TXNDC16: variants seen among roughly 807,000 people sequenced by gnomAD.
TXNDC16 encodes thioredoxin domain containing 16.
A neutral mutation model predicts 85.6 loss-of-function variants in TXNDC16; 74 were observed. The observed-to-expected ratio is 0.86, with a 90% confidence interval of 0.72 to 1.05. TXNDC16 has a LOEUF of 1.05. TXNDC16 is among the 50% of genes least tolerant of loss of function. The pLI, the probability that TXNDC16 is intolerant of heterozygous loss-of-function variation, is 0.00. For synonymous variants in TXNDC16, 335 were observed against 326.5 expected, an observed-to-expected ratio of 1.03 and a Z score of -0.28; for missense variants, 959 against 947.0, an observed-to-expected ratio of 1.01 and a Z score of -0.17.
rs547871433 is a variant in TXNDC16 at position 52,458,826 on chromosome 14, AAGACTCTCTACTT to A, written c.1619-1665_1619-1653del. Among the ~76,000 whole-genome samples the A allele has an allele frequency of 6.8e-4, 103 of 152,276 alleles. No individual in the cohort carries two copies. The Middle Eastern group carries it at 0.017, about 25-fold the overall frequency. ...ATTTCCATATAATTTCCTCATACAA[AAGACTCTCTACTT>A]ATGAATATGTCTCTTAAAAAGTCTC... On this transcript the variant is annotated intron_variant, in intron 16 of 20. Transcript: ENST00000281741.
chr14:52,525,288 C>A lies in TXNDC16; in HGVS notation c.393-5995G>T, dbSNP rs180791935. Among the ~76,000 whole-genome samples, 10 of 152,086 alleles carry A rather than the reference C, an allele frequency of 6.6e-5. No individual in the cohort carries two copies. The East Asian group carries it at 1.7e-3, about 26-fold the overall frequency. ...TTAGAGCACTGGGCAAAATCCGTAA[C>A]ACATTATTTTCACGTGTTATTTTGA... On this transcript the variant is annotated intron_variant, in intron 6 of 20. Transcript: ENST00000281741.
intron 1 of TXNDC16, among the ~76,000 whole-genome samples, chr14:52,546,121 A>C (rs1024697144): frequency 6.6e-6 from 1 of 151,980 alleles, no homozygotes; most frequent in Non-Finnish European, 1.5e-5. Context: ...CTGTCTCTAT[A>C]AAAAGTAAGA....
At chr14:52,503,445 T>C (rs1274528544) in intron 9 of TXNDC16, among the ~76,000 whole-genome samples, 1 of 152,220 alleles carries the variant, frequency 6.6e-6, no homozygotes, top group African/African-American at 2.4e-5. Flanking sequence ...CCTCTGCTGC[T>C]GATACCCAGG....
chr14:52,436,482 T>C (rs2035029827), intron 20 of TXNDC16, among the ~76,000 whole-genome samples: 1 of 152,172 alleles, frequency 6.6e-6, no homozygotes, highest in African/African-American at 2.4e-5. Flanking sequence ...GAAAATGTTC[T>C]GGAATTCAAC....
intron 1 of TXNDC16, among the ~76,000 whole-genome samples, chr14:52,550,160 A>G (rs1378993732): frequency 2.6e-5 from 4 of 152,216 alleles, no homozygotes; most frequent in African/African-American, 7.2e-5. Context: ...AAAAGAAGGA[A>G]ATTAACAACT....
intron 9 of TXNDC16, among the ~76,000 whole-genome samples, chr14:52,503,620 G>A (rs1380940747): frequency 2.6e-5 from 4 of 152,110 alleles, no homozygotes; most frequent in Non-Finnish European, 4.4e-5. Context: ...CCACAAAGAT[G>A]GGGAAAAAAC....
chr14:52,473,779 C>T (rs572375630), intron 14 of TXNDC16, among the ~76,000 whole-genome samples: 2 of 152,264 alleles, frequency 1.3e-5, no homozygotes, highest in South Asian at 4.1e-4. Flanking sequence ...TTTGCTGCCA[C>T]CTTGTGACAG....
intron 15 of TXNDC16, 102 bp from the exon 16 acceptor site, chr14:52,470,275 T>C: frequency 1.0e-6 from 1 of 956,130 alleles, no homozygotes; most frequent in Non-Finnish European, 1.5e-6. Context: ...TTACATAGGA[T>C]AATATCTTAC....
chr14:52,446,857 C>A (rs990896532), intron 18 of TXNDC16, among the ~76,000 whole-genome samples: 1 of 152,102 alleles, frequency 6.6e-6, no homozygotes, highest in African/African-American at 2.4e-5. Flanking sequence ...ATGGGAAAGA[C>A]CTAGTCCTGG....
At chr14:52,535,847 C>T (rs938628201) in intron 6 of TXNDC16, among the ~76,000 whole-genome samples, 2 of 152,018 alleles carry the variant, frequency 1.3e-5, no homozygotes, top group African/African-American at 4.8e-5. Context: ...AAGAAGAAAG[C>T]CAGGTACTTT....
At chr14:52,436,427 T>C (rs529290605) in intron 20 of TXNDC16, among the ~76,000 whole-genome samples, 1 of 152,078 alleles carries the variant, frequency 6.6e-6, no homozygotes, top group Non-Finnish European at 1.5e-5. Context: ...GAGGAGAAAA[T>C]TGAGAGTGAC....
chr14:52,438,301 A>G (rs2035079812), intron 20 of TXNDC16, among the ~76,000 whole-genome samples: 1 of 152,238 alleles, frequency 6.6e-6, no homozygotes, highest in Non-Finnish European at 1.5e-5. Context: ...TACTACAGAG[A>G]AATCTTTTGT....
At chr14:52,490,177 GCTTT>G (rs946320939) in intron 11 of TXNDC16, among the ~76,000 whole-genome samples, 1 of 151,980 alleles carries the variant, frequency 6.6e-6, no homozygotes, top group African/African-American at 2.4e-5. Context: ...TTCTGATTTT[GCTTT>G]ATTTAAAAAA....
At chr14:52,447,103 T>TG (rs1246787882) in intron 18 of TXNDC16, among the ~76,000 whole-genome samples, 2 of 152,052 alleles carry the variant, frequency 1.3e-5, no homozygotes, top group Admixed American at 6.5e-5. Context: ...AAGCGGGTTT[T>TG]GGGGGGGCCA....
At chr14:52,455,282 G>C (rs1316041141) in intron 18 of TXNDC16, 42 bp downstream of exon 18, 2 of 1,608,124 alleles carry the variant, frequency 1.2e-6, no homozygotes, top group Admixed American at 1.7e-5. Flanking sequence ...GACTGATCTA[G>C]ATTTTATTTC....
chr14:52,502,029 A>C (rs773231894), intron 9 of TXNDC16, among the ~76,000 whole-genome samples: 3 of 152,168 alleles, frequency 2.0e-5, no homozygotes, highest in African/African-American at 7.2e-5. Flanking sequence ...CTGGTCTATG[A>C]AAGTCCACGA....
At chr14:52,444,500 T>G (rs921562640) in intron 18 of TXNDC16, among the ~76,000 whole-genome samples, 1 of 152,186 alleles carries the variant, frequency 6.6e-6, no homozygotes, top group Admixed American at 6.5e-5. Context: ...ATGAAGGCAC[T>G]AAAGTCTCTC....
intron 16 of TXNDC16, among the ~76,000 whole-genome samples, chr14:52,461,772 C>CA (rs1391287792): frequency 6.6e-6 from 1 of 152,234 alleles, no homozygotes; most frequent in Non-Finnish European, 1.5e-5. Flanking sequence ...GACATGCCTC[C>CA]AGGCCTTACC....
chr14:52,519,384 T>C, intron 6 of TXNDC16, 91 bp from the exon 7 acceptor site: 2 of 904,834 alleles, frequency 2.2e-6, no homozygotes, highest in South Asian at 1.8e-5. Context: ...AAAAGAGAAA[T>C]ATATCTCCAT....
Sources: gnomAD v4.1 joint callset for allele counts (sites outside exome capture counted in the v4.1 genomes callset) on GRCh38, gnomAD v4.1.1 for gene constraint, MANE v1.5 for transcripts, NCBI Gene and HGNC (gene_info 2026-07-23, HGNC 2026-07-21) for gene names.